The following CADM2 variants were observed in gnomAD, a reference collection of about 807,000 sequenced individuals.
The protein encoded by CADM2 is immunoglobulin superfamily member 4D.
In CADM2, 12 loss-of-function variants were observed where a neutral mutation model predicts 49.8. That is an observed-to-expected ratio of 0.24 (90% confidence interval 0.15 to 0.39). The LOEUF (loss-of-function observed/expected upper bound fraction) is 0.39. Among genes scored for constraint, CADM2 ranks in the 10% least tolerant of loss-of-function variants. The probability of loss-of-function intolerance (pLI) is 1.00; values close to 1 mark genes in which losing one functional copy is unlikely to be tolerated. For missense variants in CADM2, 378 were observed against 492.3 expected (o/e 0.77, Z 2.20); for synonymous variants, 214 against 175.4 (o/e 1.22, Z -1.74).
At chr3:85,142,937 A>G (rs2039621011) in intron 1 of CADM2, among the ~76,000 whole-genome samples, 1 of 152,098 alleles carries the variant, frequency 6.6e-6, no homozygotes, top group African/African-American at 2.4e-5. Context: ...GAAAGTAATT[A>G]TTTTTCCAAT....
chr3:85,128,540 A>C (rs1006605222), intron 1 of CADM2, among the ~76,000 whole-genome samples: 5 of 152,192 alleles, frequency 3.3e-5, no homozygotes, highest in Non-Finnish European at 7.4e-5. Flanking sequence ...GTATGAGTTT[A>C]ATTTGTGTTG....
intron 1 of CADM2, among the ~76,000 whole-genome samples, chr3:85,037,170 T>C (rs7616022): frequency 0.86 from 126,312 of 147,660 alleles, 53,259 homozygotes; most frequent in East Asian, 1. Context: ...ACTCCATCTC[T>C]AAAAAAAACA....
intron 7 of CADM2, among the ~76,000 whole-genome samples, chr3:85,941,367 T>A (rs1274118603): frequency 6.6e-6 from 1 of 151,970 alleles, no homozygotes; most frequent in East Asian, 1.9e-4. Flanking sequence ...TCAAGCAAAA[T>A]AAACACATTT....
At chr3:85,031,639 C>G (rs1265563344) in intron 1 of CADM2, among the ~76,000 whole-genome samples, 6 of 152,112 alleles carry the variant, frequency 3.9e-5, no homozygotes, top group Admixed American at 1.3e-4. Context: ...CTCAGCCTCC[C>G]GAGTAGCTGG....
intron 1 of CADM2, among the ~76,000 whole-genome samples, chr3:85,416,867 A>G (rs1372419012): frequency 6.6e-6 from 1 of 152,182 alleles, no homozygotes; most frequent in Non-Finnish European, 1.5e-5. Context: ...AAAGTCCTAT[A>G]TCTCTGTCTC....
intron 1 of CADM2, among the ~76,000 whole-genome samples, chr3:85,455,740 C>T (rs2037960903): frequency 1.3e-5 from 2 of 152,144 alleles, no homozygotes; most frequent in African/African-American, 4.8e-5. Flanking sequence ...ACTGACTCCT[C>T]TTTTAAGTGT....
chr3:85,016,548 T>A (rs567284990), intron 1 of CADM2, among the ~76,000 whole-genome samples: 1 of 152,250 alleles, frequency 6.6e-6, no homozygotes, highest in African/African-American at 2.4e-5. Flanking sequence ...GTCCTAGCAC[T>A]TTGGTTGGCC....
intron 1 of CADM2, among the ~76,000 whole-genome samples, chr3:85,508,142 G>A (rs2040440338): frequency 6.6e-6 from 1 of 152,244 alleles, no homozygotes; most frequent in South Asian, 2.1e-4. Flanking sequence ...TTCATGGACT[G>A]TCCTATTTCG....
intron 1 of CADM2, among the ~76,000 whole-genome samples, chr3:85,295,404 C>G (rs1176540144): frequency 6.6e-6 from 1 of 152,250 alleles, no homozygotes; most frequent in Admixed American, 6.5e-5. Flanking sequence ...GGATCTAGAA[C>G]TAGAAATACC....
At chr3:85,047,452 C>A (rs1413488223) in intron 1 of CADM2, among the ~76,000 whole-genome samples, 2 of 152,052 alleles carry the variant, frequency 1.3e-5, no homozygotes, top group Admixed American at 6.6e-5. Flanking sequence ...ATAATGGGAA[C>A]TTCTCATATA....
intron 3 of CADM2, among the ~76,000 whole-genome samples, chr3:85,835,860 G>C (rs2074387709): frequency 6.7e-6 from 1 of 149,998 alleles, no homozygotes; most frequent in Admixed American, 6.7e-5. Context: ...TCTAACTAAT[G>C]AAATTTCTCA....
At chr3:85,865,545 CAAAT>C (rs1332586820) in intron 3 of CADM2, among the ~76,000 whole-genome samples, 1 of 152,080 alleles carries the variant, frequency 6.6e-6, no homozygotes, top group African/African-American at 2.4e-5. Context: ...GGAATAAAAA[CAAAT>C]AAATACTTAG....
chr3:85,169,691 G>T (rs1968691), intron 1 of CADM2, among the ~76,000 whole-genome samples: 15,105 of 152,134 alleles, frequency 0.099, 938 homozygotes, highest in African/African-American at 0.17. Flanking sequence ...AGAATTGCTT[G>T]TACCCTGGAG....
chr3:85,299,538 G>A (rs868703682), intron 1 of CADM2, among the ~76,000 whole-genome samples: 7 of 152,124 alleles, frequency 4.6e-5, no homozygotes, highest in Non-Finnish European at 7.4e-5. Flanking sequence ...AGAAAATGTC[G>A]TATGGATCAG....
chr3:85,274,283 G>A (rs1293875967), intron 1 of CADM2, among the ~76,000 whole-genome samples: 2 of 151,308 alleles, frequency 1.3e-5, no homozygotes, highest in African/African-American at 2.4e-5. Flanking sequence ...TATAAGAAAC[G>A]ACAGCATGTC....
chr3:85,903,924 G>A (rs1716464564), intron 5 of CADM2, among the ~76,000 whole-genome samples: 1 of 151,916 alleles, frequency 6.6e-6, no homozygotes, highest in South Asian at 2.1e-4. Context: ...GTTTTTTCTT[G>A]AGGCCAGTCT....
chr3:85,962,640 A>G (rs1400478236), intron 8 of CADM2, among the ~76,000 whole-genome samples: 1 of 151,932 alleles, frequency 6.6e-6, no homozygotes, highest in Non-Finnish European at 1.5e-5. Context: ...ATTGATGAAT[A>G]TTGCAATAAA....
In CADM2 at chr3:85,112,900, T is replaced by C. The variant is rs556557043; in HGVS notation, c.61+153232T>C. Among the ~76,000 whole-genome samples the C allele has an allele frequency of 2.0e-5, 3 of 151,800 alleles. No individual in the cohort carries two copies. The South Asian group carries it at 6.2e-4, about 31-fold the overall frequency. ...GATAATATATACATAATTTTATATA[T>C]CTGTAAAATATGTACATTTATCATA... is the stretch of plus-strand genomic sequence containing the variant. On this transcript the variant is annotated intron_variant, in intron 1 of 9. Coordinates refer to ENST00000383699, the MANE Select transcript of CADM2 (RefSeq NM_001167675.2).
At chr3:85,674,849 A>G (rs2065847810) in intron 1 of CADM2, among the ~76,000 whole-genome samples, 1 of 152,148 alleles carries the variant, frequency 6.6e-6, no homozygotes, top group African/African-American at 2.4e-5. Flanking sequence ...ATTTATGACC[A>G]TCATAAGAGA....
Sources: allele counts gnomAD v4.1 joint callset (sites outside exome capture counted in the v4.1 genomes callset), GRCh38; gene constraint gnomAD v4.1.1; transcripts MANE v1.5; gene names NCBI Gene and HGNC (gene_info 2026-07-23, HGNC 2026-07-21).